PCED1B: variants seen among roughly 807,000 people sequenced by gnomAD.
PCED1B encodes PC-esterase domain containing 1B.
For synonymous variants in PCED1B, 251 were observed against 246.1 expected, an observed-to-expected ratio of 1.02 and a Z score of -0.19; for missense variants, 573 against 573.9, an observed-to-expected ratio of 1.00 and a Z score of 0.02.
At chr12:47,191,509 T>C (rs929844319) in intron 2 of PCED1B, among the ~76,000 whole-genome samples, 1 of 152,170 alleles carries the variant, frequency 6.6e-6, no homozygotes, top group Non-Finnish European at 1.5e-5. Context: ...CACAACCCAA[T>C]GCATTCACTT....
chr12:47,100,794 A>G (rs180984800), intron 1 of PCED1B, among the ~76,000 whole-genome samples: 1 of 152,344 alleles, frequency 6.6e-6, no homozygotes, highest in Non-Finnish European at 1.5e-5. Context: ...TTGGCCAGGC[A>G]TGGTGGCTTA....
chr12:47,213,201 G>A (rs1009171512), intron 2 of PCED1B, among the ~76,000 whole-genome samples: 3 of 152,166 alleles, frequency 2.0e-5, no homozygotes, highest in Admixed American at 6.5e-5. Flanking sequence ...CTCATGAGAA[G>A]TTTTAATCCA....
At chr12:47,135,776 C>T (rs556930231) in intron 2 of PCED1B, 72 of 522,448 alleles carry the variant, frequency 1.4e-4, no homozygotes, top group African/African-American at 1.2e-3. Flanking sequence ...TCATGGTGAA[C>T]GCTGGAGGCA....
intron 2 of PCED1B, among the ~76,000 whole-genome samples, chr12:47,120,139 C>G (rs2137302491): frequency 6.6e-6 from 1 of 152,132 alleles, no homozygotes; most frequent in Non-Finnish European, 1.5e-5. Context: ...CAATGAGATA[C>G]CACTTCACAC....
intron 2 of PCED1B, among the ~76,000 whole-genome samples, chr12:47,132,737 G>T (rs555980605): frequency 2.6e-5 from 4 of 152,194 alleles, no homozygotes; most frequent in African/African-American, 9.6e-5. Flanking sequence ...GTGCAGCACT[G>T]GTACTGCAGT....
At chr12:47,136,533 T>G (rs1243491898) in intron 2 of PCED1B, among the ~76,000 whole-genome samples, 1 of 152,194 alleles carries the variant, frequency 6.6e-6, no homozygotes, top group East Asian at 1.9e-4. Context: ...AACCAAATAT[T>G]CATGCCTTTA....
At chr12:47,090,323 G>A (rs1442304734) in intron 1 of PCED1B, among the ~76,000 whole-genome samples, 1 of 152,152 alleles carries the variant, frequency 6.6e-6, no homozygotes, top group African/African-American at 2.4e-5. Context: ...AAAAGCCAGT[G>A]CCCAGAAGAA....
chr12:47,118,815 A>G (rs1939549155), intron 2 of PCED1B, among the ~76,000 whole-genome samples: 1 of 152,098 alleles, frequency 6.6e-6, no homozygotes, highest in African/African-American at 2.4e-5. Flanking sequence ...GATTCTTCCT[A>G]TCCGTGAGCA....
chr12:47,080,378 A>C (rs759265523), intron 1 of PCED1B, among the ~76,000 whole-genome samples: 1 of 152,210 alleles, frequency 6.6e-6, no homozygotes, highest in African/African-American at 2.4e-5. Context: ...CGGACCTCTT[A>C]GAGCTTTGCT....
At chr12:47,198,596 A>C (rs538550142) in intron 2 of PCED1B, among the ~76,000 whole-genome samples, 36 of 152,310 alleles carry the variant, frequency 2.4e-4, no homozygotes, top group African/African-American at 5.5e-4. Context: ...AACAAACAAA[A>C]AAAAAAGCAA....
intron 2 of PCED1B, among the ~76,000 whole-genome samples, chr12:47,207,085 A>G (rs1942933648): frequency 6.6e-6 from 1 of 152,198 alleles, no homozygotes. Flanking sequence ...TCTTATTAGG[A>G]GAACAGCATG....
intron 2 of PCED1B, among the ~76,000 whole-genome samples, chr12:47,152,036 C>T (rs1047722542): frequency 6.6e-6 from 1 of 152,148 alleles, no homozygotes; most frequent in Non-Finnish European, 1.5e-5. Context: ...TTCTTCTTTA[C>T]AGTAGAATTC....
chr12:47,215,356 C>A (rs190671593), intron 2 of PCED1B, among the ~76,000 whole-genome samples: 2 of 151,634 alleles, frequency 1.3e-5, no homozygotes, highest in East Asian at 2.0e-4. Flanking sequence ...TGGGTTCAAG[C>A]GATTCTCCTG....
chr12:47,146,596 C>T (rs1353157910), intron 2 of PCED1B, among the ~76,000 whole-genome samples: 1 of 152,168 alleles, frequency 6.6e-6, no homozygotes, highest in Non-Finnish European at 1.5e-5. Flanking sequence ...AGACCCTATA[C>T]CGGCAAAAAG....
chr12:47,224,527 CA>C (rs1943577536), intron 3 of PCED1B, among the ~76,000 whole-genome samples: 1 of 152,156 alleles, frequency 6.6e-6, no homozygotes. Context: ...GATACAAATA[CA>C]AACTGAATAT....
intron 2 of PCED1B, among the ~76,000 whole-genome samples, chr12:47,122,042 AAGATGCTCT>A (rs1419354891): frequency 1.3e-5 from 2 of 151,440 alleles, no homozygotes; most frequent in African/African-American, 2.4e-5. Context: ...AAAAAAAAAA[AAGATGCTCT>A]GAACTTCCCT....
chr12:47,201,468 C>A (rs1300830647), intron 2 of PCED1B, among the ~76,000 whole-genome samples: 1 of 152,038 alleles, frequency 6.6e-6, no homozygotes, highest in Non-Finnish European at 1.5e-5. Context: ...AGAGTCAATT[C>A]AGGTGGAAGC....
At chr12:47,227,674 T>C (rs1943674965) in intron 3 of PCED1B, among the ~76,000 whole-genome samples, 1 of 151,784 alleles carries the variant, frequency 6.6e-6, no homozygotes, top group South Asian at 2.1e-4. Flanking sequence ...GCCAACATGG[T>C]GAAACCCCGT....
intron 2 of PCED1B, among the ~76,000 whole-genome samples, chr12:47,186,821 A>C (rs1489367987): frequency 6.6e-6 from 1 of 152,224 alleles, no homozygotes; most frequent in Non-Finnish European, 1.5e-5. Flanking sequence ...GCCCAAGGAA[A>C]TTAACACAGC....
Sources: gnomAD v4.1 joint callset for allele counts (sites outside exome capture counted in the v4.1 genomes callset) on GRCh38, gnomAD v4.1.1 for gene constraint, MANE v1.5 for transcripts, NCBI Gene and HGNC (gene_info 2026-07-23, HGNC 2026-07-21) for gene names.